The following DNTTIP1 variants were observed in gnomAD, a reference collection of about 807,000 sequenced individuals.
DNTTIP1 encodes the protein deoxynucleotidyltransferase terminal-interacting protein 1.
Under a neutral mutation model 52.9 loss-of-function variants are expected in DNTTIP1, and 22 were observed. The ratio of observed to expected loss-of-function variants is 0.42; its 90% confidence interval spans 0.30 to 0.59. The LOEUF is 0.59. DNTTIP1 is among the 20% of genes least tolerant of loss of function. The pLI is 0.22. For synonymous variants in DNTTIP1, 136 were observed against 155.1 expected, an observed-to-expected ratio of 0.88 and a Z score of 0.92; for missense variants, 286 against 435.5, an observed-to-expected ratio of 0.66 and a Z score of 3.06.
At chr20:45,797,694 A>C (rs1981288067) in intron 4 of DNTTIP1, among the ~76,000 whole-genome samples, 2 of 152,236 alleles carry the variant, frequency 1.3e-5, no homozygotes, top group Non-Finnish European at 2.9e-5. Flanking sequence ...CACTCCTCAA[A>C]AGAAGACATT....
chr20:45,795,041 G>A (rs980040014), intron 3 of DNTTIP1, among the ~76,000 whole-genome samples: 12 of 151,608 alleles, frequency 7.9e-5, no homozygotes, highest in South Asian at 2.1e-4. Context: ...CTCGTGATCC[G>A]CCCACCTCGG....
In DNTTIP1 at chr20:45,807,018, A is replaced by G. The variant is rs533104449; in HGVS notation, c.723+1652A>G. Among the ~76,000 whole-genome samples, 11 of 151,554 alleles carry G rather than the reference A, an allele frequency of 7.3e-5. No homozygotes were observed. The South Asian group carries it at 2.3e-3, about 32-fold the overall frequency. On this transcript the variant is annotated intron_variant, in intron 10 of 12. Transcript: ENST00000372622. ...CATGAACTTGAACAAATGGCTCCAC[A>G]TTTGTTTTTCTTTTTTCTTTTTTTT...
rs1251344493 is a variant in DNTTIP1, at chr20:45,796,574, G to C, written c.372+1131G>C. The stretch of plus-strand genomic sequence containing the variant: ...CATGACATCAGGTCTATAAATGACT[G>C]TTCCCAAGATAGTAGAGAACCTGTT... On this transcript the variant is annotated intron_variant, in intron 4 of 12. Transcript: ENST00000372622. 1.5e-5 allele frequency: 7 copies of C among 470,848 alleles called. No individual in the cohort carries two copies. In the Admixed American group the frequency reaches 1.6e-4, roughly 11 times the overall value. 29.2% of individuals were successfully genotyped at this position (470,848 alleles called of 1,614,324 possible). A position where few individuals can be genotyped will look rare whatever the true frequency, so the allele number is the denominator to read the frequency against.
intron 11 of DNTTIP1, among the ~76,000 whole-genome samples, 194 bp from the exon 12 acceptor site, chr20:45,810,691 T>C (rs1023017039): frequency 5.9e-5 from 9 of 151,550 alleles, no homozygotes; most frequent in African/African-American, 2.2e-4. Flanking sequence ...CCATGAAGCA[T>C]CTACTGTAGT....
In DNTTIP1 at chr20:45,793,948, TCTC is replaced by T. The variant is rs1443107888; in HGVS notation, c.209_211del (p.Leu70del). The T allele has an allele frequency of 1.7e-5, 27 of 1,594,578 alleles. No homozygotes were observed. The highest frequency in any genetic ancestry group is 2.1e-5 in the Non-Finnish European group (25 of 1,170,242). On this transcript the variant is annotated inframe_deletion, in exon 3 of 13. Coordinates refer to ENST00000372622, the MANE Select transcript of DNTTIP1 (RefSeq NM_052951.3). Reference sequence around the variant, plus strand: ...TCACAGATCCTGCCATCTCCATGGATCTCCTCCGAGCTGTCCTGCAGCCCAGCA... The same window carrying T: ...TCACAGATCCTGCCATCTCCATGGATCTCCGAGCTGTCCTGCAGCCCAGCA...
chr20:45,799,602 G>A (rs986498532), intron 4 of DNTTIP1, among the ~76,000 whole-genome samples: 4 of 152,142 alleles, frequency 2.6e-5, no homozygotes, highest in African/African-American at 7.2e-5. Context: ...GGCCATTCCC[G>A]CAAAGTAGCC....
chr20:45,809,340 G>A lies in DNTTIP1; in HGVS notation c.795+155G>A, dbSNP rs1981748912. Among the ~76,000 whole-genome samples the A allele has an allele frequency of 6.6e-6, 1 of 152,174 alleles. No homozygotes were observed. Among genetic ancestry groups the A allele is most frequent in the Non-Finnish European group, 1.5e-5 (1 of 68,030 alleles). Reference sequence around the variant, plus strand: ...ATAAGGCCTATTTCTTCATGCTGAAGAGCAAATTGTAATCTTCAGGTTCCC... The same window carrying A: ...ATAAGGCCTATTTCTTCATGCTGAAAAGCAAATTGTAATCTTCAGGTTCCC... On this transcript the variant is annotated intron_variant, in intron 11 of 12. Transcript: ENST00000372622. This position sits in a 1 kb window ranked among gnomAD's most constrained non-coding sequence, Gnocchi z 4.2.
At chr20:45,795,920 A>G (rs1981223473) in intron 4 of DNTTIP1, among the ~76,000 whole-genome samples, 1 of 152,220 alleles carries the variant, frequency 6.6e-6, no homozygotes, top group South Asian at 2.1e-4. Context: ...GGAAGTAGCT[A>G]CTATATGTCA....
At chr20:45,800,937 A>G in intron 4 of DNTTIP1, 137 bp from the exon 5 acceptor site, 1 of 707,768 alleles carries the variant, frequency 1.4e-6, no homozygotes, top group Admixed American at 2.3e-5. Context: ...GAGGTTGCAG[A>G]GAGCCAAGAT....
In DNTTIP1 at chr20:45,809,756, T is replaced by C. The variant is rs1981764784; in HGVS notation, c.795+571T>C. On this transcript the variant is annotated intron_variant, in intron 11 of 12. Transcript: ENST00000372622. The surrounding 1 kb of genome is among the most constrained non-coding windows in gnomAD (Gnocchi z 4.2). ...TGAGGGCTTTGTCCATCACACACAA[T>C]GTCCCCCACCTGAGGACTCACTCAC... is the stretch of plus-strand genomic sequence containing the variant. Among the ~76,000 whole-genome samples, 1 of 152,244 alleles carries C rather than the reference T, an allele frequency of 6.6e-6. No homozygotes were observed. The highest frequency in any genetic ancestry group is 1.9e-4 in the East Asian group (1 of 5,200).
intron 10 of DNTTIP1, among the ~76,000 whole-genome samples, chr20:45,805,581 CAA>C (rs918467128): frequency 2.0e-5 from 3 of 152,174 alleles, no homozygotes; most frequent in African/African-American, 7.2e-5. Context: ...TACTGGGTGC[CAA>C]ACACAGTTTT....
chr20:45,795,306 A>C, intron 3 of DNTTIP1, 39 bp from the exon 4 acceptor site: 1 of 1,270,528 alleles, frequency 7.9e-7, no homozygotes, highest in East Asian at 2.4e-5. Context: ...GATGCACATT[A>C]ACAGGACTCT....
In DNTTIP1 at chr20:45,799,768, G is replaced by A. The variant is rs964189692; in HGVS notation, c.373-1306G>A. Among the ~76,000 whole-genome samples, 4 of 148,054 alleles carry A rather than the reference G, an allele frequency of 2.7e-5. 1 individual carries two copies. Among genetic ancestry groups the A allele is most frequent in the African/African-American group, 9.8e-5 (4 of 40,610 alleles). Reference sequence around the variant, plus strand: ...TCCACAAGAGCTTGTCCTAGTTACTGCTGTGTCCACAGCACTTAGGTCCCA... The same window carrying A: ...TCCACAAGAGCTTGTCCTAGTTACTACTGTGTCCACAGCACTTAGGTCCCA... On this transcript the variant is annotated intron_variant, in intron 4 of 12. Coordinates refer to ENST00000372622, the MANE Select transcript of DNTTIP1 (RefSeq NM_052951.3).
At chr20:45,796,535 G>C in intron 4 of DNTTIP1, 1 of 471,174 alleles carries the variant, frequency 2.1e-6, no homozygotes, top group South Asian at 1.5e-5. Context: ...TGCCTCTCTG[G>C]TGTGGTCAGG....
In DNTTIP1 at chr20:45,802,028, G is replaced by A. The variant is rs200334919; in HGVS notation, c.528G>A (p.Leu176=). Residue 176 remains leucine, a synonymous_variant, in exon 7 of 13, where the codon CTG becomes CTA. Coordinates refer to ENST00000372622, the MANE Select transcript of DNTTIP1 (RefSeq NM_052951.3). ...AAGGACGGCCTCCTGGACACATCCT[G>A]TCAAGCGACCGGGCAGCCGCCGGCA... ...KRKGRPPGHI[L]SSDRAAAGMV... is the part of the protein sequence containing the mutation. 1.5e-4 allele frequency: 241 copies of A among 1,614,206 alleles called. No individual in the cohort carries two copies. The highest frequency in any genetic ancestry group is 1.9e-4 in the Non-Finnish European group (230 of 1,180,042).
At chr20:45,793,453 A>C (rs1019508469) in intron 2 of DNTTIP1, among the ~76,000 whole-genome samples, 26 of 152,198 alleles carry the variant, frequency 1.7e-4, no homozygotes, top group Non-Finnish European at 2.9e-4. Flanking sequence ...TAATCCCAGC[A>C]CTTTGGGAGT....
intron 11 of DNTTIP1, among the ~76,000 whole-genome samples, chr20:45,810,579 T>C (rs1331253863): frequency 6.7e-6 from 1 of 148,722 alleles, no homozygotes; most frequent in Non-Finnish European, 1.5e-5. Flanking sequence ...TTTTTTCTTT[T>C]TTTTTTTTTT....
intron 4 of DNTTIP1, among the ~76,000 whole-genome samples, chr20:45,799,870 G>C (rs1454596213): frequency 2.8e-5 from 4 of 145,096 alleles, no homozygotes; most frequent in African/African-American, 1.0e-4. Flanking sequence ...CACTTTGGGA[G>C]GCTGAGGCGG....
intron 4 of DNTTIP1, among the ~76,000 whole-genome samples, chr20:45,800,131 G>GA (rs749309917): frequency 1.3e-5 from 2 of 149,328 alleles, no homozygotes; most frequent in South Asian, 4.2e-4. Context: ...AAAAAAAAAA[G>GA]AAAAAAGAAA....
Sources: allele counts gnomAD v4.1 joint callset (sites outside exome capture counted in the v4.1 genomes callset), GRCh38; gene constraint gnomAD v4.1.1; non-coding constraint Gnocchi (gnomAD v3.1); transcripts MANE v1.5; gene names NCBI Gene and HGNC (gene_info 2026-07-23, HGNC 2026-07-21).